Variants in RCAN2 observed in about 807,000 individuals in gnomAD.
RCAN2 encodes the protein regulator of calcineurin 2, also known as calcipressin-2.
In RCAN2, 9 loss-of-function variants were observed where a neutral mutation model predicts 23.6. The observed-to-expected ratio is 0.38, with a 90% confidence interval of 0.23 to 0.67. RCAN2 has a LOEUF of 0.67. Ranked by LOEUF, RCAN2 falls within the 30% of genes least tolerant of loss-of-function variation. RCAN2 has a pLI of 0.51. For synonymous variants in RCAN2, 109 were observed against 115.7 expected (o/e 0.94, Z 0.37); for missense variants, 273 against 302.3 (o/e 0.90, Z 0.72).
At chr6:46,486,714 T>C (rs1768999475) in intron 1 of RCAN2, among the ~76,000 whole-genome samples, 1 of 152,224 alleles carries the variant, frequency 6.6e-6, no homozygotes, top group Non-Finnish European at 1.5e-5. Context: ...TCCAAAATTT[T>C]ATCCCTTGTC....
intron 1 of RCAN2, among the ~76,000 whole-genome samples, chr6:46,480,073 A>G (rs973733701): frequency 1.3e-5 from 2 of 152,204 alleles, no homozygotes; most frequent in Non-Finnish European, 2.9e-5. Context: ...CAGCAGTATT[A>G]TTCATTATAA....
intron 2 of RCAN2, among the ~76,000 whole-genome samples, chr6:46,323,385 TA>T (rs59759519): frequency 0.091 from 11,700 of 128,472 alleles, 1,385 homozygotes; most frequent in African/African-American, 0.29. Context: ...GTAACCTTTC[TA>T]AAAAAAAAAA....
chr6:46,342,645 A>G (rs1352888046), intron 2 of RCAN2, among the ~76,000 whole-genome samples: 1 of 151,524 alleles, frequency 6.6e-6, no homozygotes, highest in Non-Finnish European at 1.5e-5. Flanking sequence ...TGATGAAAGG[A>G]AAGCCTAAAT....
chr6:46,284,027 T>C (rs1762289326), intron 2 of RCAN2, among the ~76,000 whole-genome samples: 1 of 152,170 alleles, frequency 6.6e-6, no homozygotes. Context: ...AAATGTGACT[T>C]GTATGAATTT....
At chr6:46,229,817 G>T (rs1222526236) in intron 4 of RCAN2, among the ~76,000 whole-genome samples, 1 of 152,142 alleles carries the variant, frequency 6.6e-6, no homozygotes, top group Non-Finnish European at 1.5e-5. Context: ...TCCATTGCTG[G>T]TGAGGAGCTG....
intron 2 of RCAN2, among the ~76,000 whole-genome samples, chr6:46,317,628 AT>A (rs1005503735): frequency 2.7e-5 from 4 of 150,900 alleles, no homozygotes; most frequent in East Asian, 3.9e-4. Context: ...TGCCCGGCTA[AT>A]TTTTTTTTGT....
intron 2 of RCAN2, among the ~76,000 whole-genome samples, chr6:46,324,781 C>T (rs754426654): frequency 6.6e-6 from 1 of 152,196 alleles, no homozygotes; most frequent in African/African-American, 2.4e-5. Flanking sequence ...CCTTAAGATG[C>T]GAAATATTTA....
chr6:46,453,932 G>T (rs1227286474), intron 2 of RCAN2, among the ~76,000 whole-genome samples: 1 of 152,138 alleles, frequency 6.6e-6, no homozygotes, highest in African/African-American at 2.4e-5. Flanking sequence ...GTAAACCTTG[G>T]AAATGAAGGC....
intron 2 of RCAN2, among the ~76,000 whole-genome samples, chr6:46,316,725 T>C (rs1353515650): frequency 6.6e-6 from 1 of 152,240 alleles, no homozygotes; most frequent in Admixed American, 6.5e-5. Context: ...CAGTGCTCAA[T>C]ACATTGTTGC....
At chr6:46,310,405 T>C (rs1358988545) in intron 2 of RCAN2, among the ~76,000 whole-genome samples, 1 of 152,154 alleles carries the variant, frequency 6.6e-6, no homozygotes, top group Non-Finnish European at 1.5e-5. Flanking sequence ...TGGAATACCA[T>C]CAGGAAGTAA....
intron 1 of RCAN2, among the ~76,000 whole-genome samples, chr6:46,467,839 C>A (rs981339987): frequency 2.6e-5 from 4 of 152,172 alleles, no homozygotes; most frequent in Non-Finnish European, 5.9e-5. Flanking sequence ...GACTGTACCT[C>A]CACAGTGAAA....
chr6:46,384,541 T>C (rs1047663196), intron 2 of RCAN2, among the ~76,000 whole-genome samples: 4 of 152,264 alleles, frequency 2.6e-5, no homozygotes, highest in Admixed American at 6.5e-5. Flanking sequence ...TTAATTTTTA[T>C]TGCTATTATT....
intron 2 of RCAN2, among the ~76,000 whole-genome samples, chr6:46,397,267 G>A (rs116088282): frequency 1.6e-3 from 241 of 152,086 alleles, no homozygotes; most frequent in African/African-American, 5.4e-3. Context: ...ACTACAAAGG[G>A]GGGTACCATA....
intron 2 of RCAN2, among the ~76,000 whole-genome samples, chr6:46,343,119 T>C (rs1764379147): frequency 6.6e-6 from 1 of 151,720 alleles, no homozygotes; most frequent in African/African-American, 2.4e-5. Context: ...AAATTCTAAA[T>C]TAAACAGAAA....
intron 1 of RCAN2, among the ~76,000 whole-genome samples, chr6:46,483,949 C>T (rs1768930410): frequency 6.6e-6 from 1 of 152,204 alleles, no homozygotes; most frequent in South Asian, 2.1e-4. Flanking sequence ...TCTGAATTTA[C>T]ATTGCTATTT....
chr6:46,325,277 A>G, intron 2 of RCAN2: 1 of 1,093,538 alleles, frequency 9.1e-7, no homozygotes, highest in South Asian at 1.6e-5. Flanking sequence ...ATGCATTTCT[A>G]GCGCAGACTA....
In RCAN2 at chr6:46,296,646, G is replaced by A. The variant is rs116194599; in HGVS notation, c.226-47750C>T. 9.2e-3 allele frequency among the ~76,000 whole-genome samples: 1,395 copies of A among 152,172 alleles called. 19 individuals carry two copies. Among genetic ancestry groups the A allele is most frequent in the African/African-American group, 0.032 (1,320 of 41,526 alleles). ...ATTAGGTAGGGAGGAATAGCAGCAT[G>A]AAATAAAATTATATGATACCCAGAG... On this transcript the variant is annotated intron_variant, in intron 2 of 4. Transcript: ENST00000371374.
intron 2 of RCAN2, among the ~76,000 whole-genome samples, chr6:46,321,832 A>T (rs1763628050): frequency 6.6e-6 from 1 of 152,244 alleles, no homozygotes; most frequent in East Asian, 1.9e-4. Context: ...CAGCTCAGAG[A>T]TACCGTTTTT....
chr6:46,372,649 T>C (rs1468897435), intron 2 of RCAN2, among the ~76,000 whole-genome samples: 1 of 152,248 alleles, frequency 6.6e-6, no homozygotes, highest in Non-Finnish European at 1.5e-5. Flanking sequence ...TGAGATATGA[T>C]AGTCCAGAAA....
Sources: allele counts gnomAD v4.1 joint callset (sites outside exome capture counted in the v4.1 genomes callset), GRCh38; gene constraint gnomAD v4.1.1; transcripts MANE v1.5; gene names NCBI Gene and HGNC (gene_info 2026-07-23, HGNC 2026-07-21).